NAXD: variants seen among roughly 807,000 people sequenced by gnomAD.
The protein encoded by NAXD is ATP-dependent (S)-NAD(P)H-hydrate dehydratase.
A neutral mutation model predicts 35.8 loss-of-function variants in NAXD; 22 were observed. That is an observed-to-expected ratio of 0.62 (90% CI 0.44 to 0.88). NAXD has a LOEUF of 0.88. Ranked by LOEUF, NAXD falls within the 40% of genes least tolerant of loss-of-function variation. The pLI is 0.00. For missense variants in NAXD, 428 were observed against 437.7 expected, an observed-to-expected ratio of 0.98 and a Z score of 0.20; for synonymous variants, 189 against 177.6, an observed-to-expected ratio of 1.06 and a Z score of -0.51.
rs895265773 is a variant in NAXD at position 110,639,680 on chromosome 13, C to T, written c.*1152C>T. ...CCTGACGCGTGCATTAGGGTGTTCTCTTATACTTTCAGTAGCATCTTTCCA... is the reference window on the plus strand; with the variant it reads ...CCTGACGCGTGCATTAGGGTGTTCTTTTATACTTTCAGTAGCATCTTTCCA... On this transcript the variant is annotated 3_prime_UTR_variant, in exon 10 of 10. Transcript: ENST00000680254. 2 of 152,210 alleles carry T rather than the reference C, an allele frequency of 1.3e-5. No homozygotes were observed. Among genetic ancestry groups the T allele is most frequent in the African/African-American group, 4.8e-5 (2 of 41,442 alleles). The allele number at this position is 152,210 out of a possible 1,614,324, so 9.4% of individuals were successfully genotyped here.
chr13:110,630,641 C>T (rs1886665064), intron 5 of NAXD, among the ~76,000 whole-genome samples: 1 of 152,140 alleles, frequency 6.6e-6, no homozygotes, highest in African/African-American at 2.4e-5. Flanking sequence ...TGTTAAGAGC[C>T]TTATTGTTTT....
intron 1 of NAXD, chr13:110,616,341 G>A (rs1044643033): frequency 6.6e-6 from 1 of 152,654 alleles, no homozygotes; most frequent in African/African-American, 2.4e-5. Context: ...TTGGACGAGA[G>A]GGACTGGATA....
intron 5 of NAXD, among the ~76,000 whole-genome samples, chr13:110,632,607 C>T (rs1263139045): frequency 6.6e-6 from 1 of 152,138 alleles, no homozygotes; most frequent in East Asian, 1.9e-4. Context: ...CACACAGGTT[C>T]TCCAAGGCCC....
Position 110,624,204 on chromosome 13 carries a change from A to T in NAXD, c.198-30A>T, listed in dbSNP as rs755836259. 5.4e-6 allele frequency: 8 copies of T among 1,483,560 alleles called. No homozygotes were observed. In the Admixed American group the frequency reaches 1.4e-4, roughly 26 times the overall value. 91.9% of individuals were successfully genotyped at this position (1,483,560 alleles called of 1,614,324 possible). ...AAGGTATGCTTACCTTATTCTCAGAAGTTTTTGACTCTAAATACCTTCTTT... is the reference window on the plus strand; with the variant it reads ...AAGGTATGCTTACCTTATTCTCAGATGTTTTTGACTCTAAATACCTTCTTT... On this transcript the variant is annotated intron_variant, in intron 2 of 9. Coordinates refer to ENST00000680254, the MANE Select transcript of NAXD (RefSeq NM_001242882.2).
chr13:110,622,846 T>G (rs140292924), intron 2 of NAXD, among the ~76,000 whole-genome samples: 80 of 152,342 alleles, frequency 5.3e-4, no homozygotes, highest in African/African-American at 1.8e-3. Context: ...GGATACCTTC[T>G]GCCTCTGACG....
chr13:110,631,736 A>G (rs568415625), intron 5 of NAXD, among the ~76,000 whole-genome samples: 2 of 152,214 alleles, frequency 1.3e-5, no homozygotes, highest in Non-Finnish European at 2.9e-5. Flanking sequence ...GCAAGCAGAC[A>G]AAGAATTTTT....
rs1483554732 is a variant in NAXD at position 110,638,500 on chromosome 13, C to T, written c.962C>T (p.Ala321Val). ...TCCGACATGATCGCCGAGGTGGGGGCCGCCTTCAGCAAGCTCTTTGAAACC... is the reference window on the plus strand; with the variant it reads ...TCCGACATGATCGCCGAGGTGGGGGTCGCCTTCAGCAAGCTCTTTGAAACC... ...TTSDMIAEVG[A>V]AFSKLFET Residue 321 changes from alanine to valine, a missense_variant, in exon 10 of 10, where the codon GCC becomes GTC. By Grantham distance (64) the Ala-to-Val change is moderately conservative. Transcript: ENST00000680254. This position sits in a 1 kb window ranked among gnomAD's most constrained non-coding sequence, Gnocchi z 5.4. 3 of 1,612,564 alleles carry T rather than the reference C, an allele frequency of 1.9e-6. No homozygotes were observed. The African/African-American group carries it at 4.0e-5, about 22-fold the overall frequency.
chr13:110,617,372 C>T lies in NAXD; in HGVS notation c.46+1725C>T, dbSNP rs1833992257. Among the ~76,000 whole-genome samples the T allele has an allele frequency of 2.6e-5, 4 of 152,248 alleles. No homozygotes were observed. In the South Asian group the frequency reaches 8.3e-4, roughly 32 times the overall value. Reference sequence around the variant, plus strand: ...GACTCAGAATTGTCTGAAGAGTTACCGAATGGGATACATCTTAAGTCGCCT... The same window carrying T: ...GACTCAGAATTGTCTGAAGAGTTACTGAATGGGATACATCTTAAGTCGCCT... On this transcript the variant is annotated intron_variant, in intron 1 of 9. Coordinates refer to ENST00000680254, the MANE Select transcript of NAXD (RefSeq NM_001242882.2).
chr13:110,637,116 C>A lies in NAXD; in HGVS notation c.719-13C>A. 1 of 1,605,588 alleles carries A rather than the reference C, an allele frequency of 6.2e-7. No homozygotes were observed. Among genetic ancestry groups the A allele is most frequent in the Non-Finnish European group, 8.5e-7 (1 of 1,177,366 alleles). On this transcript the variant is annotated splice_polypyrimidine_tract_variant and intron_variant, in intron 8 of 9. Coordinates refer to ENST00000680254, the MANE Select transcript of NAXD (RefSeq NM_001242882.2). ...GCCATGCTGACACCTGCTCTCACTT[C>A]TGCCCTGTGCAGTGCTTGTGTGCAG...
chr13:110,625,247 T>G lies in NAXD; in HGVS notation c.301T>G (p.Tyr101Asp). The G allele has an allele frequency of 6.2e-7, 1 of 1,613,738 alleles. No individual in the cohort carries two copies. Among genetic ancestry groups the G allele is most frequent in the Non-Finnish European group, 8.5e-7 (1 of 1,179,688 alleles). ...ASAAAPVIKA[Y>D]SPELIVHPVL... Reference sequence around the variant, plus strand: ...TGCGGCCGCACCTGTGATTAAGGCCTACAGCCCGGAGCTGATCGTCCACCC... The same window carrying G: ...TGCGGCCGCACCTGTGATTAAGGCCGACAGCCCGGAGCTGATCGTCCACCC... The change falls in exon 4 of 10, where the codon TAC (tyrosine) becomes GAC (aspartate). Residue 101 changes from tyrosine (Y) to aspartate (D), a missense_variant. Tyr to Asp is a radical substitution (Grantham distance 160). Coordinates refer to ENST00000680254, the MANE Select transcript of NAXD (RefSeq NM_001242882.2).
upstream of NAXD, chr13:110,615,497 A>T: frequency 8.9e-7 from 1 of 1,126,194 alleles, no homozygotes; most frequent in Non-Finnish European, 1.2e-6. Context: ...TTGGGATCCC[A>T]CTGCCGACAG....
Position 110,639,191 on chromosome 13 carries a change from T to C in NAXD, c.*663T>C, listed in dbSNP as rs16940507. 18,138 of 163,814 alleles carry C rather than the reference T, an allele frequency of 0.11. 1,133 individuals are homozygous for C. Among genetic ancestry groups the C allele is most frequent in the Middle Eastern group, 0.15 (48 of 312 alleles). 10.1% of individuals were successfully genotyped at this position (163,814 alleles called of 1,614,324 possible). A position where few individuals can be genotyped will look rare whatever the true frequency, so the allele number is the denominator to read the frequency against. The stretch of plus-strand genomic sequence containing the variant: ...AACATGAGTGACGCTGACCCTTGAG[T>C]GTGTGGGTGGGGAGCTCTGAGACGC... On this transcript the variant is annotated 3_prime_UTR_variant, in exon 10 of 10. Coordinates refer to ENST00000680254, the MANE Select transcript of NAXD (RefSeq NM_001242882.2).
chr13:110,615,903 A>C, intron 1 of NAXD: 1 of 738,578 alleles, frequency 1.4e-6, no homozygotes, highest in Non-Finnish European at 1.9e-6. Context: ...GCCTCCTGGA[A>C]CGGCGCGGCG....
intron 9 of NAXD, among the ~76,000 whole-genome samples, chr13:110,637,963 C>T (rs1384482814): frequency 6.6e-6 from 1 of 151,972 alleles, no homozygotes; most frequent in Non-Finnish European, 1.5e-5. Flanking sequence ...GCTGTGTTCA[C>T]TCGAGTTGCC....
chr13:110,637,385 C>T (rs896371498), intron 9 of NAXD, 136 bp downstream of exon 9: 1 of 1,055,268 alleles, frequency 9.5e-7, no homozygotes, highest in South Asian at 1.4e-5. Context: ...GATCTCGGCA[C>T]AGACGAACCC....
chr13:110,620,107 G>A (rs1363409586), intron 1 of NAXD, among the ~76,000 whole-genome samples: 1 of 151,930 alleles, frequency 6.6e-6, no homozygotes, highest in Non-Finnish European at 1.5e-5. Flanking sequence ...CCCCATAAAT[G>A]TCTCTTCTAG....
Position 110,622,265 on chromosome 13 carries a change from G to A in NAXD, c.96G>A (p.Met32Ile). ...SLRKAHSIKD[M>I]ENTLQLVRNI... ...GTAAAGCACATTCGATAAAGGATAT[G>A]GAAAATACTTTGCAGCTGGTGAGAA... is the stretch of plus-strand genomic sequence containing the variant. Residue 32 changes from methionine (M) to isoleucine (I), a missense_variant, in exon 2 of 10, where the codon ATG becomes ATA. By Grantham distance (10) the Met-to-Ile change is conservative (BLOSUM62 1). Around this residue, in one of 3 missense-constraint regions of NAXD, gnomAD observed 208 missense variants for 193.0 expected, o/e 1.08. Coordinates refer to ENST00000680254, the MANE Select transcript of NAXD (RefSeq NM_001242882.2). The A allele has an allele frequency of 5.0e-6, 8 of 1,614,048 alleles. No homozygotes were observed. The highest frequency in any genetic ancestry group is 6.8e-6 in the Non-Finnish European group (8 of 1,179,910).
In NAXD at chr13:110,638,530, C is replaced by T; in HGVS notation, c.*2C>T. The T allele has an allele frequency of 6.2e-7, 1 of 1,611,456 alleles. No homozygotes were observed. The highest frequency in any genetic ancestry group is 8.5e-7 in the Non-Finnish European group (1 of 1,178,940). On this transcript the variant is annotated 3_prime_UTR_variant, in exon 10 of 10. Transcript: ENST00000680254. This position sits in a 1 kb window ranked among gnomAD's most constrained non-coding sequence, Gnocchi z 5.4. ...TTCAGCAAGCTCTTTGAAACCTGAG[C>T]CCGCGCAGACCAGAAGTAAACAGGC...
intron 5 of NAXD, among the ~76,000 whole-genome samples, chr13:110,629,717 T>C (rs1378234884): frequency 2.0e-5 from 3 of 152,244 alleles, no homozygotes; most frequent in Non-Finnish European, 4.4e-5. Flanking sequence ...GTTGATTAAT[T>C]TATGGAAAAT....
Sources: allele counts gnomAD v4.1 joint callset (sites outside exome capture counted in the v4.1 genomes callset), GRCh38; gene constraint gnomAD v4.1.1; regional missense constraint gnomAD v4.1.1; non-coding constraint Gnocchi (gnomAD v3.1); transcripts MANE v1.5; gene names NCBI Gene and HGNC (gene_info 2026-07-23, HGNC 2026-07-21).